Variants in COL26A1 observed in about 807,000 individuals in gnomAD.
COL26A1 encodes collagen alpha-1(XXVI) chain.
A neutral mutation model predicts 59.3 loss-of-function variants in COL26A1; 41 were observed. The observed-to-expected ratio is 0.69, with a 90% confidence interval of 0.54 to 0.90. The LOEUF is 0.90. Among genes scored for constraint, COL26A1 ranks in the 40% least tolerant of loss-of-function variants. COL26A1 has a pLI of 0.00. For synonymous variants in COL26A1, 266 were observed against 256.0 expected (o/e 1.04, Z -0.37); for missense variants, 612 against 602.3 (o/e 1.02, Z -0.17).
At chr7:101,383,997 A>AT (rs1420480512) in intron 1 of COL26A1, among the ~76,000 whole-genome samples, 1 of 147,672 alleles carries the variant, frequency 6.8e-6, no homozygotes, top group African/African-American at 2.6e-5. Context: ...GGAAGGCAAT[A>AT]TTTTTTGCAA....
At chr7:101,453,084 G>A (rs1793383722) in intron 3 of COL26A1, among the ~76,000 whole-genome samples, 1 of 152,152 alleles carries the variant, frequency 6.6e-6, no homozygotes, top group African/African-American at 2.4e-5. Context: ...ATGGGGGTGG[G>A]GGAGCAGACG....
At chr7:101,450,830 GAATTCCATAGTCTATATGAATA>G (rs1793317216) in intron 3 of COL26A1, among the ~76,000 whole-genome samples, 1 of 142,816 alleles carries the variant, frequency 7.0e-6, no homozygotes, top group African/African-American at 2.7e-5. Context: ...ATATGAATAT[GAATTCCATAGTCTATATGAATA>G]TGGAATGTAG....
At chr7:101,555,944 C>T in intron 12 of COL26A1, 73 bp downstream of exon 12, 3 of 1,318,574 alleles carry the variant, frequency 2.3e-6, no homozygotes, top group Non-Finnish European at 3.2e-6. Context: ...GCCCTCATGG[C>T]TGCTGCCTAG....
chr7:101,504,165 A>G (rs1009793581), intron 3 of COL26A1, among the ~76,000 whole-genome samples: 7 of 151,962 alleles, frequency 4.6e-5, no homozygotes, highest in South Asian at 4.2e-4. Flanking sequence ...CAGTGGTGCA[A>G]TCTCGGCTCA....
At chr7:101,553,290 C>T (rs1163545785) in intron 10 of COL26A1, 36 bp from the exon 11 acceptor site, 1 of 1,604,776 alleles carries the variant, frequency 6.2e-7, no homozygotes, top group Non-Finnish European at 8.5e-7. Flanking sequence ...GCCCCCACCT[C>T]CCGTTCCAGT....
intron 1 of COL26A1, among the ~76,000 whole-genome samples, chr7:101,419,062 C>T (rs1461875827): frequency 7.4e-6 from 1 of 135,086 alleles, no homozygotes; most frequent in Non-Finnish European, 1.6e-5. Flanking sequence ...CTCTCTCTTT[C>T]TCTCTCATTC....
chr7:101,396,706 C>T (rs7807021), intron 1 of COL26A1, among the ~76,000 whole-genome samples: 61,058 of 151,988 alleles, frequency 0.4, 15,083 homozygotes, highest in Middle Eastern at 0.56. Flanking sequence ...AAGTGATCCA[C>T]CCACCTCGGC....
At chr7:101,401,764 A>G (rs573141466) in intron 1 of COL26A1, among the ~76,000 whole-genome samples, 2 of 130,570 alleles carry the variant, frequency 1.5e-5, no homozygotes, top group South Asian at 4.7e-4. Context: ...GAAGAGGAGG[A>G]GGGAGAAGAG....
rs1447172580 is a variant in COL26A1 at position 101,416,951 on chromosome 7, CA to C, written c.159-3025del. Among the ~76,000 whole-genome samples, 3 of 105,196 alleles carry C rather than the reference CA, an allele frequency of 2.9e-5. 1 individual carries two copies. The highest frequency in any genetic ancestry group is 7.5e-5 in the Non-Finnish European group (3 of 40,198). The allele number at this position is 105,196 out of a possible 152,430, so 69.0% of individuals were successfully genotyped here. ...AGATACAGTGTTTCACCATGTTGCC[CA>C]GGCTGGTCTAAACTCCTGGGGTCAA... is the stretch of plus-strand genomic sequence containing the variant. On this transcript the variant is annotated intron_variant, in intron 1 of 12. Transcript: ENST00000313669.
At chr7:101,544,918 C>T (rs1406979604) in intron 6 of COL26A1, among the ~76,000 whole-genome samples, 1 of 152,128 alleles carries the variant, frequency 6.6e-6, no homozygotes, top group East Asian at 1.9e-4. Context: ...ATTTAAACAC[C>T]TCCAGAGACC....
intron 1 of COL26A1, among the ~76,000 whole-genome samples, chr7:101,367,230 T>G (rs939046169): frequency 6.6e-6 from 1 of 152,222 alleles, no homozygotes; most frequent in East Asian, 1.9e-4. Context: ...TCTGGACTGA[T>G]GTGTGTGTCC....
chr7:101,550,127 A>G (rs1795829278), intron 9 of COL26A1, among the ~76,000 whole-genome samples: 1 of 152,168 alleles, frequency 6.6e-6, no homozygotes, highest in African/African-American at 2.4e-5. Context: ...ATTGAGTTTC[A>G]GGGAGGGTGA....
intron 2 of COL26A1, among the ~76,000 whole-genome samples, chr7:101,444,132 C>A (rs1793126949): frequency 1.3e-5 from 2 of 152,046 alleles, no homozygotes; most frequent in African/African-American, 4.8e-5. Context: ...CCTGCCTCGG[C>A]CTCCCAAAGT....
intron 3 of COL26A1, among the ~76,000 whole-genome samples, chr7:101,478,601 C>T (rs972998167): frequency 6.6e-6 from 1 of 152,140 alleles, no homozygotes; most frequent in African/African-American, 2.4e-5. Flanking sequence ...CAGTTGTTAG[C>T]ATTATGTCAT....
chr7:101,480,077 C>G (rs1194528161), intron 3 of COL26A1, among the ~76,000 whole-genome samples: 2 of 152,160 alleles, frequency 1.3e-5, no homozygotes, highest in African/African-American at 2.4e-5. Flanking sequence ...TCCACCTCAG[C>G]CTTCTAAGCA....
At chr7:101,540,101 G>T in intron 5 of COL26A1, 52 bp downstream of exon 5, 1 of 1,551,808 alleles carries the variant, frequency 6.4e-7, no homozygotes, top group Non-Finnish European at 8.7e-7. Flanking sequence ...GGGACCTTGG[G>T]CATGGCCTCC....
At chr7:101,456,205 A>C (rs1256262303) in intron 3 of COL26A1, among the ~76,000 whole-genome samples, 1 of 150,156 alleles carries the variant, frequency 6.7e-6, no homozygotes, top group African/African-American at 2.4e-5. Flanking sequence ...ACACATACTT[A>C]AATGCACAGA....
intron 3 of COL26A1, among the ~76,000 whole-genome samples, chr7:101,460,245 G>A (rs1257163648): frequency 6.6e-6 from 1 of 152,086 alleles, no homozygotes; most frequent in Non-Finnish European, 1.5e-5. Context: ...CCAGAGGAAT[G>A]AACAAATCAT....
At chr7:101,489,663 TCCTTCCTTCC>T (rs1563007345) in intron 3 of COL26A1, among the ~76,000 whole-genome samples, 18 of 51,740 alleles carry the variant, frequency 3.5e-4, no homozygotes, top group African/African-American at 6.1e-4. Context: ...CTTTCTTTCT[TCCTTCCTTCC>T]TTCCTTCCTT....
Sources: gnomAD v4.1 joint callset for allele counts (sites outside exome capture counted in the v4.1 genomes callset) on GRCh38, gnomAD v4.1.1 for gene constraint, MANE v1.5 for transcripts, NCBI Gene and HGNC (gene_info 2026-07-23, HGNC 2026-07-21) for gene names.